Variants in OPTN observed in about 807,000 individuals in gnomAD.
OPTN encodes the protein optineurin.
Under a neutral mutation model 70.4 loss-of-function variants are expected in OPTN, and 54 were observed. That is an observed-to-expected ratio of 0.77 (90% CI 0.62 to 0.96). OPTN has a LOEUF of 0.96. OPTN is among the 40% of genes least tolerant of loss of function. The pLI is 0.00. For missense variants in OPTN, 624 were observed against 673.2 expected (o/e 0.93, Z 0.81); for synonymous variants, 256 against 248.5 (o/e 1.03, Z -0.28).
chr10:13,114,999 A>ATATATTTATATATAGATATATCTATATT lies in OPTN; in HGVS notation c.553-1254_553-1253insGATATATCTATATTTATATTTATATATA, dbSNP rs1564359131. Among the ~76,000 whole-genome samples, 8 of 8,274 alleles carry ATATATTTATATATAGATATATCTATATT rather than the reference A, an allele frequency of 9.7e-4. 2 individuals carry two copies. The South Asian group carries it at 0.014, about 15-fold the overall frequency. 5.4% of individuals were successfully genotyped at this position (8,274 alleles called of 152,430 possible). A position where few individuals can be genotyped will look rare whatever the true frequency, so the allele number is the denominator to read the frequency against. On this transcript the variant is annotated intron_variant, in intron 5 of 14. Transcript: ENST00000378747. ...TATATATAGATATATCTATATTTAT[A>ATATATTTATATATAGATATATCTATATT]TATATTTATATATATAGATATATCT...
intron 14 of OPTN, among the ~76,000 whole-genome samples, chr10:13,134,247 T>C (rs1833653436): frequency 6.6e-6 from 1 of 152,202 alleles, no homozygotes; most frequent in Admixed American, 6.5e-5. Context: ...CTTATGCATA[T>C]TCCTGTCTTC....
chr10:13,126,907 C>T (rs1449756314), intron 11 of OPTN, among the ~76,000 whole-genome samples: 6 of 152,170 alleles, frequency 3.9e-5, no homozygotes, highest in Admixed American at 3.9e-4. Context: ...GCCTGCGGTC[C>T]CAGCTCCTTG....
chr10:13,122,464 G>A lies in OPTN; in HGVS notation c.859G>A (p.Asp287Asn). The A allele has an allele frequency of 6.2e-7, 1 of 1,613,864 alleles. No homozygotes were observed. ...QTEGSTEKEN[D>N]EEKGPETVGS... is the part of the protein sequence containing the mutation. Reference sequence around the variant, plus strand: ...AGAGGGGAGCACAGAGAAAGAGAATGATGAAGAGAAAGGCCCGGAGACTGT... The same window carrying A: ...AGAGGGGAGCACAGAGAAAGAGAATAATGAAGAGAAAGGCCCGGAGACTGT... The change falls in exon 8 of 15, where the codon GAT becomes AAT. Residue 287 changes from aspartate (D) to asparagine (N), a missense_variant. Physicochemically the swap from Asp to Asn is conservative, Grantham distance 23 (BLOSUM62 1). Transcript: ENST00000378747.
At chr10:13,134,542 C>T (rs977835062) in intron 14 of OPTN, among the ~76,000 whole-genome samples, 2 of 152,224 alleles carry the variant, frequency 1.3e-5, no homozygotes, top group East Asian at 1.9e-4. Context: ...AAGCGATTCT[C>T]CTGGCTCAGC....
intron 2 of OPTN, among the ~76,000 whole-genome samples, chr10:13,108,570 G>A (rs571425742): frequency 5.4e-5 from 8 of 148,378 alleles, no homozygotes; most frequent in Middle Eastern, 3.4e-3. Flanking sequence ...GGTTTGAGAC[G>A]GAGTCTCGCT....
chr10:13,132,416 T>A (rs1161549692), intron 13 of OPTN, among the ~76,000 whole-genome samples: 1 of 152,190 alleles, frequency 6.6e-6, no homozygotes, highest in Admixed American at 6.5e-5. Context: ...CAACACTTAG[T>A]TTGTCTTACA....
At chr10:13,118,362 A>G (rs1833265446) in intron 6 of OPTN, among the ~76,000 whole-genome samples, 2 of 152,212 alleles carry the variant, frequency 1.3e-5, no homozygotes, top group African/African-American at 4.8e-5. Context: ...ATCGAGAAAA[A>G]TACTTGACAT....
intron 14 of OPTN, among the ~76,000 whole-genome samples, chr10:13,134,848 A>G (rs1303125550): frequency 6.6e-6 from 1 of 152,226 alleles, no homozygotes; most frequent in African/African-American, 2.4e-5. Flanking sequence ...ACCTTCTCAG[A>G]AGCAGAGGCA....
intron 6 of OPTN, 104 bp from the exon 7 acceptor site, chr10:13,118,784 C>T (rs1421412639): frequency 1.0e-6 from 1 of 992,228 alleles, no homozygotes; most frequent in Admixed American, 1.8e-5. Flanking sequence ...GGAGAATGTT[C>T]TGGAAAGCAG....
At chr10:13,110,088 C>G (rs1832963042) in intron 3 of OPTN, 186 bp from the exon 4 acceptor site, 3 of 1,004,844 alleles carry the variant, frequency 3.0e-6, no homozygotes, top group South Asian at 3.4e-5. Flanking sequence ...AAATGATGTT[C>G]ATCCCGCTAG....
intron 3 of OPTN, among the ~76,000 whole-genome samples, chr10:13,109,834 CAAAAAAAA>C (rs33911800): frequency 1.2e-5 from 1 of 84,914 alleles, no homozygotes; most frequent in East Asian, 4.0e-4. Flanking sequence ...GACCCTGACT[CAAAAAAAA>C]AAAAAAAAAA....
chr10:13,127,537 T>C (rs1833492955), intron 11 of OPTN, among the ~76,000 whole-genome samples: 1 of 152,188 alleles, frequency 6.6e-6, no homozygotes, highest in South Asian at 2.1e-4. Context: ...TTAGAGCTGA[T>C]ACATTTTTTA....
chr10:13,105,631 C>T (rs992880272), intron 1 of OPTN, among the ~76,000 whole-genome samples: 3 of 152,070 alleles, frequency 2.0e-5, no homozygotes, highest in East Asian at 3.8e-4. Flanking sequence ...TGGAGGGGCC[C>T]GGCACCGTGG....
In OPTN at chr10:13,127,582, C is replaced by T. The variant is rs567488379; in HGVS notation, c.1243-163C>T. On this transcript the variant is annotated intron_variant, in intron 11 of 14. Transcript: ENST00000378747. ...ATGTTGCCCAGGCTTGTCTCCCACT[C>T]CTGGGCTCAAACGATCCTCCCACCT... 1.5e-3 allele frequency among the ~76,000 whole-genome samples: 221 copies of T among 152,214 alleles called. 2 individuals carry two copies. Among genetic ancestry groups the T allele is most frequent in the Non-Finnish European group, 1.9e-3 (132 of 68,024 alleles).
intron 9 of OPTN, 141 bp from the exon 10 acceptor site, chr10:13,125,277 G>A: frequency 1.2e-6 from 1 of 856,834 alleles, no homozygotes; most frequent in Non-Finnish European, 1.9e-6. Flanking sequence ...AAGAAGCAAG[G>A]AGGATTATGT....
intron 6 of OPTN, chr10:13,116,563 C>G (rs1833214004): frequency 1.7e-6 from 1 of 603,688 alleles, no homozygotes; most frequent in Non-Finnish European, 3.0e-6. Flanking sequence ...ACTGACTGCT[C>G]TGTTCTAGTG....
In OPTN at chr10:13,118,951, G is replaced by A; in HGVS notation, c.690G>A (p.Glu230=). 6.2e-7 allele frequency: 1 copy of A among 1,612,094 alleles called. No individual in the cohort carries two copies. Among genetic ancestry groups the A allele is most frequent in the Non-Finnish European group, 8.5e-7 (1 of 1,178,122 alleles). ...CCAAGAATTACTTCGAACATGAGGA[G>A]TTAACTGTGAGCCAGCTCCTGCTGT... ...DGAKNYFEHE[E]LTVSQLLLCL... Residue 230 remains glutamate, a synonymous_variant, in exon 7 of 15, where the codon GAG becomes GAA. Transcript: ENST00000378747.
Position 13,110,461 on chromosome 10 carries a change from A to AC in OPTN, c.354_355insC (p.Glu119ArgfsTer5), listed in dbSNP as rs758707459. On this transcript the variant is annotated frameshift_variant, in exon 4 of 15. Coordinates refer to ENST00000378747, the MANE Select transcript of OPTN (RefSeq NM_001008212.2). LOFTEE classifies it high-confidence loss of function. Reference sequence around the variant, plus strand: ...AGCTTGGAAAACTAAAAGGGAAATCAGAAAGGTCATCTGAGGTGAGCAGAC... The same window carrying AC: ...AGCTTGGAAAACTAAAAGGGAAATCACGAAAGGTCATCTGAGGTGAGCAGAC... The AC allele has an allele frequency of 6.2e-7, 1 of 1,613,592 alleles. No individual in the cohort carries two copies. The highest frequency in any genetic ancestry group is 1.1e-5 in the South Asian group (1 of 91,030).
At chr10:13,136,272 G>C (rs923835905) in intron 14 of OPTN, among the ~76,000 whole-genome samples, 6 of 152,082 alleles carry the variant, frequency 3.9e-5, no homozygotes, top group Admixed American at 1.3e-4. Context: ...CACTTTGGGA[G>C]GCCAAGGTGG....
Sources: gnomAD v4.1 joint callset for allele counts (sites outside exome capture counted in the v4.1 genomes callset) on GRCh38, gnomAD v4.1.1 for gene constraint, MANE v1.5 for transcripts, NCBI Gene and HGNC (gene_info 2026-07-23, HGNC 2026-07-21) for gene names.